CEP44: variants seen among roughly 807,000 people sequenced by gnomAD.
The protein encoded by CEP44 is centrosomal protein of 44 kDa.
A neutral mutation model predicts 46.7 loss-of-function variants in CEP44; 45 were observed. The observed-to-expected ratio is 0.96, with a 90% CI of 0.76 to 1.24. The LOEUF (loss-of-function observed/expected upper bound fraction) is 1.24. CEP44 is among the 50% of genes most tolerant of loss of function. The pLI is 0.00. For missense variants in CEP44, 475 were observed against 459.7 expected, an observed-to-expected ratio of 1.03 and a Z score of -0.30; for synonymous variants, 142 against 146.0, an observed-to-expected ratio of 0.97 and a Z score of 0.20.
In CEP44 at chr4:174,331,573, C is replaced by T; in HGVS notation, c.1178C>T (p.Ala393Val). The T allele has an allele frequency of 6.4e-7, 1 of 1,551,406 alleles. No homozygotes were observed. The highest frequency in any genetic ancestry group is 8.7e-7 in the Non-Finnish European group (1 of 1,146,842). Reference sequence around the variant, plus strand: ...TCATACCTTTCATCACAGAGCTTTGCTTGGCCTCTCTCCTGTGTGTAATCT... The same window carrying T: ...TCATACCTTTCATCACAGAGCTTTGTTTGGCCTCTCTCCTGTGTGTAATCT... The change falls in exon 9 of 9, where the codon GCT becomes GTT. Residue 393 changes from alanine to valine, a missense_variant. Coordinates refer to the CEP44 transcript ENST00000426172. This position sits in a 1 kb window ranked among gnomAD's most constrained non-coding sequence, Gnocchi z 4.5.
intron 2 of CEP44, among the ~76,000 whole-genome samples, chr4:174,298,661 C>T (rs373660330): frequency 5.3e-5 from 8 of 152,164 alleles, no homozygotes; most frequent in African/African-American, 1.7e-4. Flanking sequence ...ATTAAATCTG[C>T]GCTAAATTTG....
chr4:174,286,807 G>T lies in CEP44; in HGVS notation c.-148+2864G>T, dbSNP rs1330341682. The stretch of plus-strand genomic sequence containing the variant: ...ATCATTTTGTTTAAAGTCTCAGTTC[G>T]TTCAAATCTTTTGGTTCACGTATGT... On this transcript the variant is annotated intron_variant, in intron 1 of 11. Transcript: ENST00000503780. This position sits in a 1 kb window ranked among gnomAD's most constrained non-coding sequence, Gnocchi z 5.2. Among the ~76,000 whole-genome samples, 1 of 152,204 alleles carries T rather than the reference G, an allele frequency of 6.6e-6. No individual in the cohort carries two copies. The highest frequency in any genetic ancestry group is 1.5e-5 in the Non-Finnish European group (1 of 67,990).
chr4:174,309,852 T>G lies in CEP44; in HGVS notation c.681T>G (p.Asp227Glu). The change falls in exon 8 of 12, where the codon GAT becomes GAG. Residue 227 changes from aspartate to glutamate, a missense_variant and splice_region_variant. By Grantham distance (45) the Asp-to-Glu change is conservative (BLOSUM62 2). Coordinates refer to ENST00000503780, the MANE Select transcript of CEP44 (RefSeq NM_001040157.3). This position sits in a 1 kb window ranked among gnomAD's most constrained non-coding sequence, Gnocchi z 5.3. ...TTTAATCTCTCTAACCTTTTTAGGA[T>G]GTAAATGTTAATCCTGAGATTACTG... ...KVPEIKAEQQ[D>E]VNVNPEITAL... 1 of 1,592,154 alleles carries G rather than the reference T, an allele frequency of 6.3e-7. No homozygotes were observed. Among genetic ancestry groups the G allele is most frequent in the East Asian group, 2.2e-5 (1 of 44,608 alleles).
intron 1 of CEP44, among the ~76,000 whole-genome samples, chr4:174,293,668 C>T (rs1189152059): frequency 6.6e-6 from 1 of 152,144 alleles, no homozygotes; most frequent in African/African-American, 2.4e-5. Context: ...TTGCTATACT[C>T]ACTTTTTACT....
chr4:174,307,507 C>A (rs1185173605), intron 6 of CEP44, among the ~76,000 whole-genome samples: 2 of 152,122 alleles, frequency 1.3e-5, no homozygotes, highest in Admixed American at 1.3e-4. Flanking sequence ...ACTATAAAAA[C>A]CCTGGAAGAC....
At chr4:174,299,033 C>A in intron 2 of CEP44, 39 bp from the exon 3 acceptor site, 2 of 1,141,124 alleles carry the variant, frequency 1.8e-6, no homozygotes, top group South Asian at 1.5e-5. Flanking sequence ...TTCAAAAATA[C>A]AGAGACTTAA....
Position 174,326,017 on chromosome 4 carries a change from A to G in CEP44, c.1087-5465A>G, listed in dbSNP as rs1742642237. On this transcript the variant is annotated intron_variant, in intron 8 of 8. Coordinates refer to the CEP44 transcript ENST00000426172. The surrounding 1 kb of genome is among the most constrained non-coding windows in gnomAD (Gnocchi z 4.8). ...TAATTTGGTCTTGCTCTTTTATCAAATCTAAAAATCTCTGGAATGTTTAGA... is the reference window on the plus strand; with the variant it reads ...TAATTTGGTCTTGCTCTTTTATCAAGTCTAAAAATCTCTGGAATGTTTAGA... Among the ~76,000 whole-genome samples the G allele has an allele frequency of 6.6e-6, 1 of 152,152 alleles. No homozygotes were observed. The highest frequency in any genetic ancestry group is 1.5e-5 in the Non-Finnish European group (1 of 68,016).
At chr4:174,305,748 G>A (rs1740315913) in intron 6 of CEP44, among the ~76,000 whole-genome samples, 1 of 152,020 alleles carries the variant, frequency 6.6e-6, no homozygotes, top group South Asian at 2.1e-4. Context: ...TTCTTATACT[G>A]ATTTTTTGTA....
At position 174,319,260 on chromosome 4, in the gene CEP44, A is replaced by T. The variant is rs990313993; in HGVS notation, c.*1877A>T. On this transcript the variant is annotated 3_prime_UTR_variant, in exon 12 of 12. Transcript: ENST00000503780. Reference sequence around the variant, plus strand: ...TAATTTTTTCAATTGTGAGAGAAGTACATTTATAAAAATTAAGAGGTTAAG... The same window carrying T: ...TAATTTTTTCAATTGTGAGAGAAGTTCATTTATAAAAATTAAGAGGTTAAG... 6 of 969,762 alleles carry T rather than the reference A, an allele frequency of 6.2e-6. No individual in the cohort carries two copies. The Admixed American group carries it at 2.5e-4, about 40-fold the overall frequency. The allele number at this position is 969,762 out of a possible 1,614,324, so 60.1% of individuals were successfully genotyped here.
rs547635692 is a variant in CEP44, at chr4:174,287,384, G to A, written c.-148+3441G>A. On this transcript the variant is annotated intron_variant, in intron 1 of 11. Coordinates refer to ENST00000503780, the MANE Select transcript of CEP44 (RefSeq NM_001040157.3). The surrounding 1 kb of genome is among the most constrained non-coding windows in gnomAD (Gnocchi z 5.1). The stretch of plus-strand genomic sequence containing the variant: ...GTTTGGGATCTAAGACTTATTTGAG[G>A]TGGTGACATTTAAGCAGGATGCCGA... Among the ~76,000 whole-genome samples the A allele has an allele frequency of 9.5e-4, 145 of 152,196 alleles. No individual in the cohort carries two copies. The Middle Eastern group carries it at 0.01, about 11-fold the overall frequency.
At chr4:174,315,705 G>A (rs1317324542) in intron 9 of CEP44, among the ~76,000 whole-genome samples, 1 of 151,866 alleles carries the variant, frequency 6.6e-6, no homozygotes, top group African/African-American at 2.4e-5. Flanking sequence ...GCCGGGCGTG[G>A]TAGCTGGCGC....
chr4:174,309,046 A>G lies in CEP44; in HGVS notation c.678+187A>G, dbSNP rs539336684. On this transcript the variant is annotated intron_variant, in intron 7 of 11. Coordinates refer to ENST00000503780, the MANE Select transcript of CEP44 (RefSeq NM_001040157.3). The surrounding 1 kb of genome is among the most constrained non-coding windows in gnomAD (Gnocchi z 5.3). Reference sequence around the variant, plus strand: ...ATAATTCAACAAATATTTGCTGCATATGTGTAGGGTGCTGGGCTAAGTGTT... The same window carrying G: ...ATAATTCAACAAATATTTGCTGCATGTGTGTAGGGTGCTGGGCTAAGTGTT... Among the ~76,000 whole-genome samples, 23 of 152,252 alleles carry G rather than the reference A, an allele frequency of 1.5e-4. No homozygotes were observed. The South Asian group carries it at 4.8e-3, about 32-fold the overall frequency.
At chr4:174,308,602 C>T in intron 6 of CEP44, 87 bp from the exon 7 acceptor site, 1 of 1,303,054 alleles carries the variant, frequency 7.7e-7, no homozygotes, top group South Asian at 1.5e-5. Flanking sequence ...CAAACCTGCA[C>T]ATGGACCCCT....
In CEP44 at chr4:174,309,990, A is replaced by G; in HGVS notation, c.819A>G (p.Glu273=). 6.2e-7 allele frequency: 1 copy of G among 1,612,880 alleles called. No homozygotes were observed. The highest frequency in any genetic ancestry group is 8.5e-7 in the Non-Finnish European group (1 of 1,179,236). Residue 273 remains glutamate (E), a synonymous_variant, in exon 8 of 12, where the codon GAA becomes GAG. Transcript: ENST00000503780. This position sits in a 1 kb window ranked among gnomAD's most constrained non-coding sequence, Gnocchi z 5.3. ...TGAAAGGAAAAGTGATGGTAGATGA[A>G]AACACCTGGACTAATCTTCTTAGTC... ...QKMKGKVMVD[E]NTWTNLLSRV... is the part of the protein sequence containing the mutation.
downstream of CEP44, among the ~76,000 whole-genome samples, chr4:174,320,753 C>G (rs1429806419): frequency 7.2e-6 from 1 of 138,144 alleles, no homozygotes; most frequent in African/African-American, 2.6e-5. Context: ...CAAGGGGCAG[C>G]TTGTATCTTA....
At chr4:174,298,530 G>A (rs1382397245) in intron 2 of CEP44, among the ~76,000 whole-genome samples, 2 of 152,112 alleles carry the variant, frequency 1.3e-5, no homozygotes, top group African/African-American at 4.8e-5. Flanking sequence ...GGAAAGGAAG[G>A]TAACATGCAT....
At chr4:174,295,096 C>T (rs1285869730) in intron 1 of CEP44, among the ~76,000 whole-genome samples, 1 of 151,712 alleles carries the variant, frequency 6.6e-6, no homozygotes, top group East Asian at 2.0e-4. Flanking sequence ...CCCCACCTCC[C>T]TCCCGGACGG....
At position 174,299,143 on chromosome 4, in the gene CEP44, A is replaced by G. The variant is rs1442223701; in HGVS notation, c.22A>G (p.Arg8Gly). ...AGTAATGGCAACAGGTGACTTAAAAAGAAGCTTACGGAACCTAGAACAGGT... is the reference window on the plus strand; with the variant it reads ...AGTAATGGCAACAGGTGACTTAAAAGGAAGCTTACGGAACCTAGAACAGGT... MATGDLK[R>G]SLRNLEQVLR... Residue 8 changes from arginine to glycine, a missense_variant, in exon 3 of 12, where the codon AGA (arginine) becomes GGA (glycine). Coordinates refer to ENST00000503780, the MANE Select transcript of CEP44 (RefSeq NM_001040157.3). 33 of 1,613,720 alleles carry G rather than the reference A, an allele frequency of 2.0e-5. No individual in the cohort carries two copies. Among genetic ancestry groups the G allele is most frequent in the Non-Finnish European group, 2.5e-5 (29 of 1,179,708 alleles).
chr4:174,296,763 A>ATTTTTTTTT (rs202212472), intron 1 of CEP44, among the ~76,000 whole-genome samples: 41 of 90,382 alleles, frequency 4.5e-4, no homozygotes, highest in Non-Finnish European at 7.0e-4. Flanking sequence ...GTCCTTACTG[A>ATTTTTTTTT]TTTTTTTTTT....
Sources: gnomAD v4.1 joint callset for allele counts (sites outside exome capture counted in the v4.1 genomes callset) on GRCh38, gnomAD v4.1.1 for gene constraint, Gnocchi (gnomAD v3.1) non-coding constraint, MANE v1.5 for transcripts, NCBI Gene and HGNC (gene_info 2026-07-23, HGNC 2026-07-21) for gene names.